MOCOS: variants seen among roughly 807,000 people sequenced by gnomAD.
MOCOS encodes molybdenum cofactor sulfurase.
MOCOS carries 86 observed loss-of-function variants against 83.6 expected under a neutral mutation model. The observed-to-expected ratio is 1.03, with a 90% CI of 0.86 to 1.23. The LOEUF is 1.23. Among genes scored for constraint, MOCOS ranks in the 50% most tolerant of loss-of-function variants. MOCOS has a pLI of 0.00. For missense variants in MOCOS, 1,120 were observed against 1,126.9 expected (o/e 0.99, Z 0.09); for synonymous variants, 445 against 434.7 (o/e 1.02, Z -0.29).
intron 1 of MOCOS, among the ~76,000 whole-genome samples, chr18:36,194,266 G>A (rs562547492): frequency 1.3e-5 from 2 of 152,234 alleles, no homozygotes; most frequent in South Asian, 4.2e-4. Context: ...CTTTAAGAGA[G>A]TGAATTTTAT....
At position 36,253,570 on chromosome 18, in the gene MOCOS, G is replaced by A. The variant is rs1056123577; in HGVS notation, c.2164+2287G>A. Reference sequence around the variant, plus strand: ...AATCCCAGCTACTTGGGAGGCTGAGGCAGGAGAATTGCTTGAACCCAGGAG... The same window carrying A: ...AATCCCAGCTACTTGGGAGGCTGAGACAGGAGAATTGCTTGAACCCAGGAG... On this transcript the variant is annotated intron_variant, in intron 11 of 14. Coordinates refer to ENST00000261326, the MANE Select transcript of MOCOS (RefSeq NM_017947.4). Among the ~76,000 whole-genome samples the A allele has an allele frequency of 2.0e-5, 3 of 151,998 alleles. 1 individual carries two copies. The South Asian group carries it at 6.2e-4, about 32-fold the overall frequency.
intron 2 of MOCOS, among the ~76,000 whole-genome samples, chr18:36,197,630 A>G: frequency 6.6e-6 from 1 of 152,044 alleles, no homozygotes; most frequent in East Asian, 1.9e-4. Context: ...AAAATCAGCC[A>G]GGTGTGGTGG....
At chr18:36,199,659 G>T (rs1463438948) in intron 3 of MOCOS, 24 bp from the exon 4 acceptor site, 1 of 1,612,292 alleles carries the variant, frequency 6.2e-7, no homozygotes, top group Non-Finnish European at 8.5e-7. Flanking sequence ...TCCGCGGGTT[G>T]CGGGGATGCT....
chr18:36,238,893 C>T (rs2091570063), intron 9 of MOCOS, among the ~76,000 whole-genome samples: 1 of 144,752 alleles, frequency 6.9e-6, no homozygotes. Flanking sequence ...ATGTAATGGC[C>T]TTCTTTGTCT....
chr18:36,200,686 CTTAAAAGGTGGCACCCAGTGGCT>C (rs992162817), intron 4 of MOCOS, among the ~76,000 whole-genome samples: 44 of 152,292 alleles, frequency 2.9e-4, no homozygotes, highest in South Asian at 1.2e-3. Flanking sequence ...AAACAGTGGC[CTTAAAAGGTGGCACCCAGTGGCT>C]TTAAAAGGTG....
chr18:36,227,608 C>G (rs924995521), intron 9 of MOCOS, among the ~76,000 whole-genome samples: 1 of 151,986 alleles, frequency 6.6e-6, no homozygotes, highest in Admixed American at 6.6e-5. Context: ...GTTGGCCAGG[C>G]TGGTCCTGAA....
intron 1 of MOCOS, among the ~76,000 whole-genome samples, chr18:36,190,758 A>G (rs571393660): frequency 6.6e-6 from 1 of 151,984 alleles, no homozygotes; most frequent in South Asian, 2.1e-4. Context: ...CAAAAAAAAC[A>G]AAAAAACAAA....
chr18:36,267,751 A>G (rs17745765), intron 14 of MOCOS, among the ~76,000 whole-genome samples: 14,959 of 152,246 alleles, frequency 0.098, 931 homozygotes, highest in East Asian at 0.22. Context: ...CACAAATACA[A>G]TACTAAGGTC....
At chr18:36,246,718 A>G (rs1444023028) in intron 9 of MOCOS, among the ~76,000 whole-genome samples, 1 of 152,212 alleles carries the variant, frequency 6.6e-6, no homozygotes, top group African/African-American at 2.4e-5. Context: ...TGGTGAAATT[A>G]GCTGTTGTTT....
chr18:36,235,973 GGGT>G (rs2091557159), intron 9 of MOCOS, among the ~76,000 whole-genome samples: 1 of 150,384 alleles, frequency 6.6e-6, no homozygotes, highest in Admixed American at 6.7e-5. Flanking sequence ...CTTTTTGATG[GGGT>G]TGTTTGTTTT....
chr18:36,199,908 G>A lies in MOCOS; in HGVS notation c.525G>A (p.Glu175=), dbSNP rs1487470790. The part of the protein sequence containing the change: ...INVISTPVRP[E]DLWSAEERSA... ...TCATATCCACCCCGGTCAGGCCAGAGGACCTGTGGTCTGCAGAGGAACGTA... is the reference window on the plus strand; with the variant it reads ...TCATATCCACCCCGGTCAGGCCAGAAGACCTGTGGTCTGCAGAGGAACGTA... The change falls in exon 4 of 15, where the codon GAG becomes GAA. Residue 175 remains glutamate, a synonymous_variant. Transcript: ENST00000261326. The A allele has an allele frequency of 3.1e-6, 5 of 1,614,022 alleles. No individual in the cohort carries two copies. The highest frequency in any genetic ancestry group is 4.2e-6 in the Non-Finnish European group (5 of 1,179,912).
At chr18:36,221,246 G>C (rs572931000) in intron 9 of MOCOS, among the ~76,000 whole-genome samples, 2 of 152,318 alleles carry the variant, frequency 1.3e-5, no homozygotes, top group Admixed American at 1.3e-4. Context: ...ATTTTAATTA[G>C]TTTAAATAGC....
At chr18:36,257,097 A>G in intron 12 of MOCOS, 24 bp downstream of exon 12, 1 of 1,587,072 alleles carries the variant, frequency 6.3e-7, no homozygotes, top group Admixed American at 1.7e-5. Flanking sequence ...CCTCGGGACT[A>G]GCAGACAAGC....
At chr18:36,213,796 G>T (rs2091464826) in intron 7 of MOCOS, among the ~76,000 whole-genome samples, 1 of 151,862 alleles carries the variant, frequency 6.6e-6, no homozygotes, top group South Asian at 2.1e-4. Flanking sequence ...AGGCATGATG[G>T]CATGCGCCTG....
intron 1 of MOCOS, among the ~76,000 whole-genome samples, chr18:36,194,418 G>A (rs1210590078): frequency 6.6e-6 from 1 of 152,152 alleles, no homozygotes; most frequent in African/African-American, 2.4e-5. Flanking sequence ...CTTATTATTA[G>A]TGTACAATGT....
At chr18:36,255,265 T>A (rs977224580) in intron 11 of MOCOS, among the ~76,000 whole-genome samples, 4 of 152,172 alleles carry the variant, frequency 2.6e-5, no homozygotes, top group African/African-American at 9.7e-5. Flanking sequence ...AGGAGTTTCG[T>A]TAGTGCAGTG....
intron 13 of MOCOS, 129 bp from the exon 14 acceptor site, chr18:36,266,620 G>A (rs775972839): frequency 8.0e-6 from 6 of 752,178 alleles, no homozygotes; most frequent in African/African-American, 1.7e-5. Flanking sequence ...CAGCAGAGAC[G>A]GTGAACAGGT....
chr18:36,229,437 C>T (rs906408419), intron 9 of MOCOS, among the ~76,000 whole-genome samples: 2 of 152,036 alleles, frequency 1.3e-5, no homozygotes, highest in African/African-American at 2.4e-5. Flanking sequence ...TTTTTCCTTC[C>T]TTTTGACTTT....
intron 6 of MOCOS, among the ~76,000 whole-genome samples, chr18:36,205,512 T>C (rs2091431643): frequency 6.6e-6 from 1 of 152,122 alleles, no homozygotes; most frequent in Non-Finnish European, 1.5e-5. Context: ...AACTGTTGGG[T>C]CTTTGCCATA....
Sources: allele counts gnomAD v4.1 joint callset (sites outside exome capture counted in the v4.1 genomes callset), GRCh38; gene constraint gnomAD v4.1.1; transcripts MANE v1.5; gene names NCBI Gene and HGNC (gene_info 2026-07-23, HGNC 2026-07-21).